Variants in EPS8 observed in about 807,000 individuals in gnomAD.
The protein encoded by EPS8 is EGFR pathway substrate 8, signaling adaptor.
In EPS8, 42 loss-of-function variants were observed where a neutral mutation model predicts 103.8. The ratio of observed to expected loss-of-function variants is 0.40; its 90% CI spans 0.32 to 0.52. EPS8 has a LOEUF of 0.52. Among genes scored for constraint, EPS8 ranks in the 20% least tolerant of loss-of-function variants. The pLI, the probability that EPS8 is intolerant of heterozygous loss-of-function variation, is 0.40. For missense variants in EPS8, 969 were observed against 1,005.1 expected, an observed-to-expected ratio of 0.96 and a Z score of 0.49; for synonymous variants, 344 against 344.6, an observed-to-expected ratio of 1.00 and a Z score of 0.02.
chr12:15,734,330 A>C lies in EPS8; in HGVS notation c.-21-51358T>G, dbSNP rs2135997632. Among the ~76,000 whole-genome samples, 1 of 152,284 alleles carries C rather than the reference A, an allele frequency of 6.6e-6. No homozygotes were observed. The highest frequency in any genetic ancestry group is 1.9e-4 in the East Asian group (1 of 5,184). On this transcript the variant is annotated intron_variant, in intron 1 of 20. Transcript: ENST00000281172. This position sits in a 1 kb window ranked among gnomAD's most constrained non-coding sequence, Gnocchi z 4.1. ...GCCAGTTTATTCAGAAACAACATAT[A>C]AGATGGCCCTGTTTTACTACTGTTC...
At chr12:15,632,538 A>G (rs1945065509) in intron 17 of EPS8, among the ~76,000 whole-genome samples, 1 of 152,228 alleles carries the variant, frequency 6.6e-6, no homozygotes, top group African/African-American at 2.4e-5. Flanking sequence ...TCAAAGATAC[A>G]GGACAATTAT....
At chr12:15,643,425 A>G (rs909275204) in intron 15 of EPS8, among the ~76,000 whole-genome samples, 1 of 152,098 alleles carries the variant, frequency 6.6e-6, no homozygotes, top group African/African-American at 2.4e-5. Context: ...GACAATCACA[A>G]TTTGTAATTT....
rs1022095696 is a variant in EPS8 at position 15,664,590 on chromosome 12, A to G, written c.736+1166T>C. ...ACTTCCCAAGACCACACAGGTAGAC[A>G]TATCAGGTCTTGCTTCAGAGTCCAA... On this transcript the variant is annotated intron_variant, in intron 8 of 20. Coordinates refer to ENST00000281172, the MANE Select transcript of EPS8 (RefSeq NM_004447.6). Among the ~76,000 whole-genome samples, 10 of 152,352 alleles carry G rather than the reference A, an allele frequency of 6.6e-5. No homozygotes were observed. The East Asian group carries it at 1.7e-3, about 26-fold the overall frequency.
In EPS8 at chr12:15,737,574, T is replaced by C. The variant is rs75887264; in HGVS notation, c.-22+51587A>G. Among the ~76,000 whole-genome samples the C allele has an allele frequency of 9.1e-3, 1,387 of 152,278 alleles. 25 individuals are homozygous for C. The highest frequency in any genetic ancestry group is 0.031 in the African/African-American group (1,283 of 41,574). On this transcript the variant is annotated intron_variant, in intron 1 of 20. Coordinates refer to ENST00000281172, the MANE Select transcript of EPS8 (RefSeq NM_004447.6). ...TGACCCTATGAGGGAAGTTCTATTATTATCCTAAATTAACAGATGATAAAA... is the reference window on the plus strand; with the variant it reads ...TGACCCTATGAGGGAAGTTCTATTACTATCCTAAATTAACAGATGATAAAA...
At chr12:15,622,785 CA>C (rs558885255) in intron 20 of EPS8, among the ~76,000 whole-genome samples, 2,739 of 137,190 alleles carry the variant, frequency 0.02, 43 homozygotes, top group African/African-American at 0.056. Context: ...TTAGAATCTC[CA>C]AAAAAAAAAA....
rs897761382 is a variant in EPS8 at position 15,734,629 on chromosome 12, C to G, written c.-21-51657G>C. ...GAATGGCGTGAACCTGGGAGGCGGA[C>G]CTTGCAGTGAGCCGAGATCGCGCCA... is the stretch of plus-strand genomic sequence containing the variant. On this transcript the variant is annotated intron_variant, in intron 1 of 20. Coordinates refer to ENST00000281172, the MANE Select transcript of EPS8 (RefSeq NM_004447.6). The surrounding 1 kb of genome is among the most constrained non-coding windows in gnomAD (Gnocchi z 4.1). Among the ~76,000 whole-genome samples the G allele has an allele frequency of 2.0e-5, 3 of 151,890 alleles. No homozygotes were observed. The highest frequency in any genetic ancestry group is 1.9e-4 in the East Asian group (1 of 5,162).
chr12:15,782,798 C>T (rs1419576308), intron 1 of EPS8, among the ~76,000 whole-genome samples: 2 of 152,154 alleles, frequency 1.3e-5, no homozygotes, highest in Admixed American at 1.3e-4. Flanking sequence ...ACATACTGTA[C>T]TACTGTAATA....
chr12:15,669,588 C>T lies in EPS8; in HGVS notation c.367-52G>A, dbSNP rs377358704. On this transcript the variant is annotated intron_variant, in intron 5 of 20. Transcript: ENST00000281172. The stretch of plus-strand genomic sequence containing the variant: ...TGTCAAACTTCCATCCATTTTCAAA[C>T]AATCTGAAATGATTGTAAACATTAA... 7.7e-6 allele frequency: 12 copies of T among 1,562,274 alleles called. No individual in the cohort carries two copies. The African/African-American group carries it at 1.4e-4, about 18-fold the overall frequency.
intron 8 of EPS8, among the ~76,000 whole-genome samples, chr12:15,663,960 T>C (rs1240199557): frequency 1.9e-5 from 1 of 52,352 alleles, no homozygotes; most frequent in Non-Finnish European, 5.0e-5. Flanking sequence ...TATATATATA[T>C]ATATATATAT....
chr12:15,782,783 G>A (rs568241679), intron 1 of EPS8, among the ~76,000 whole-genome samples: 1 of 152,282 alleles, frequency 6.6e-6, no homozygotes, highest in South Asian at 2.1e-4. Flanking sequence ...ACAATTAACT[G>A]TAGTACATAC....
intron 17 of EPS8, among the ~76,000 whole-genome samples, chr12:15,638,336 G>A (rs1945171710): frequency 6.6e-6 from 1 of 152,028 alleles, no homozygotes; most frequent in African/African-American, 2.4e-5. Context: ...TAGGATTTAT[G>A]CCAGATAGCA....
intron 1 of EPS8, among the ~76,000 whole-genome samples, chr12:15,691,112 G>C (rs1946165610): frequency 6.6e-6 from 1 of 151,578 alleles, no homozygotes; most frequent in South Asian, 2.1e-4. Flanking sequence ...AATTTTAGGG[G>C]AAAGAAAAAG....
chr12:15,726,369 T>C (rs1221184842), intron 1 of EPS8, among the ~76,000 whole-genome samples: 1 of 152,036 alleles, frequency 6.6e-6, no homozygotes, highest in Non-Finnish European at 1.5e-5. Context: ...GTCTCTGTGG[T>C]TGGCAAGGAA....
chr12:15,648,860 C>A (rs1245287703), intron 14 of EPS8, among the ~76,000 whole-genome samples: 8 of 152,196 alleles, frequency 5.3e-5, no homozygotes, highest in Non-Finnish European at 1.2e-4. Flanking sequence ...CCATATTTGT[C>A]ACTCCAAGTC....
At chr12:15,635,769 C>T (rs1360635024) in intron 17 of EPS8, among the ~76,000 whole-genome samples, 3 of 152,112 alleles carry the variant, frequency 2.0e-5, no homozygotes. Flanking sequence ...AAAATGCTCT[C>T]TTTAAGGACT....
intron 1 of EPS8, among the ~76,000 whole-genome samples, chr12:15,774,561 C>CAT (rs113650528): frequency 0.1 from 14,696 of 145,142 alleles, 969 homozygotes; most frequent in Non-Finnish European, 0.14. Context: ...TATACATATA[C>CAT]ATATATATAT....
chr12:15,715,990 TTCC>T (rs772356109), intron 1 of EPS8, among the ~76,000 whole-genome samples: 5 of 151,724 alleles, frequency 3.3e-5, no homozygotes, highest in Non-Finnish European at 5.9e-5. Flanking sequence ...ACTAATATAA[TTCC>T]TCGATGAGAA....
At chr12:15,637,014 TTTTTTCTTC>T (rs1450161416) in intron 17 of EPS8, among the ~76,000 whole-genome samples, 1 of 152,168 alleles carries the variant, frequency 6.6e-6, no homozygotes, top group African/African-American at 2.4e-5. Context: ...ACAATCTTTG[TTTTTTCTTC>T]TTTTTCTTCT....
intron 18 of EPS8, among the ~76,000 whole-genome samples, chr12:15,627,388 T>TA (rs1400149460): frequency 6.6e-6 from 1 of 152,128 alleles, no homozygotes; most frequent in East Asian, 1.9e-4. Flanking sequence ...TGCTTGCATC[T>TA]ATATCCTAAT....
Sources: gnomAD v4.1 joint callset for allele counts (sites outside exome capture counted in the v4.1 genomes callset) on GRCh38, gnomAD v4.1.1 for gene constraint, Gnocchi (gnomAD v3.1) non-coding constraint, MANE v1.5 for transcripts, NCBI Gene and HGNC (gene_info 2026-07-23, HGNC 2026-07-21) for gene names.